Variants in SLC12A6 observed in about 807,000 individuals in gnomAD.
SLC12A6 encodes the protein K-Cl cotransporter 3.
In SLC12A6, 66 loss-of-function variants were observed where a neutral mutation model predicts 135.3. The observed-to-expected ratio is 0.49, with a 90% CI of 0.40 to 0.60. The LOEUF is 0.60. SLC12A6 is among the 20% of genes least tolerant of loss of function. The pLI, the probability that SLC12A6 is intolerant of heterozygous loss-of-function variation, is 0.00. For synonymous variants in SLC12A6, 513 were observed against 508.8 expected (o/e 1.01, Z -0.11); for missense variants, 1,058 against 1,452.3 (o/e 0.73, Z 4.41).
At chr15:34,335,185 TC>T (rs997268675) in intron 2 of SLC12A6, among the ~76,000 whole-genome samples, 1 of 152,204 alleles carries the variant, frequency 6.6e-6, no homozygotes, top group African/African-American at 2.4e-5. Context: ...GTAAAATTTG[TC>T]AAAAAGTTGA....
intron 13 of SLC12A6, among the ~76,000 whole-genome samples, chr15:34,249,335 G>A (rs1892224061): frequency 6.6e-6 from 1 of 151,944 alleles, no homozygotes; most frequent in South Asian, 2.1e-4. Flanking sequence ...TAAGGTGGGA[G>A]GATTGCTTGA....
Position 34,235,324 on chromosome 15 carries a change from GAAGA to G in SLC12A6, c.3228-14_3228-11del. 6.2e-7 allele frequency: 1 copy of G among 1,611,842 alleles called. No individual in the cohort carries two copies. The highest frequency in any genetic ancestry group is 8.5e-7 in the Non-Finnish European group (1 of 1,178,072). On this transcript the variant is annotated splice_polypyrimidine_tract_variant and intron_variant, in intron 24 of 25. Coordinates refer to ENST00000354181, the MANE Select transcript of SLC12A6 (RefSeq NM_001365088.1). ...CACATTGGACTGGTCCCTGAGTGGG[GAAGA>G]AATAAAGGTTGTTAAGGTAAAAAGA...
intron 2 of SLC12A6, among the ~76,000 whole-genome samples, chr15:34,334,080 A>C (rs1241699991): frequency 6.6e-6 from 1 of 151,926 alleles, no homozygotes; most frequent in African/African-American, 2.4e-5. Context: ...CAAAAAAAAA[A>C]AAAACAAAAA....
chr15:34,324,213 T>A (rs1301878324), intron 2 of SLC12A6, among the ~76,000 whole-genome samples: 1 of 152,014 alleles, frequency 6.6e-6, no homozygotes, highest in African/African-American at 2.4e-5. Flanking sequence ...ATAATCAACC[T>A]GCAGTACATG....
At chr15:34,330,379 A>G (rs1232973943) in intron 2 of SLC12A6, among the ~76,000 whole-genome samples, 1 of 152,208 alleles carries the variant, frequency 6.6e-6, no homozygotes, top group Non-Finnish European at 1.5e-5. Context: ...AAAACAGTTA[A>G]GGTATATAAC....
intron 2 of SLC12A6, among the ~76,000 whole-genome samples, chr15:34,303,853 A>AC (rs1379703671): frequency 2.0e-5 from 3 of 152,192 alleles, no homozygotes; most frequent in Non-Finnish European, 4.4e-5. Context: ...CTCCAGAACC[A>AC]CGAGTCAATA....
At chr15:34,265,088 T>C (rs1340111393) in intron 3 of SLC12A6, among the ~76,000 whole-genome samples, 1 of 152,002 alleles carries the variant, frequency 6.6e-6, no homozygotes, top group East Asian at 1.9e-4. Context: ...TCCCAGCTAC[T>C]TGGGAGGCTG....
Position 34,314,395 on chromosome 15 carries a change from A to G in SLC12A6, c.271+22015T>C, listed in dbSNP as rs112075189. Among the ~76,000 whole-genome samples the G allele has an allele frequency of 5.0e-3, 764 of 152,298 alleles. 8 individuals carry two copies. The highest frequency in any genetic ancestry group is 0.01 in the Admixed American group (157 of 15,298). Reference sequence around the variant, plus strand: ...ACTGCTGAAACCTACTGCCCAGGAAAAAAAGATTTCTTTCAAAATATTACT... The same window carrying G: ...ACTGCTGAAACCTACTGCCCAGGAAGAAAAGATTTCTTTCAAAATATTACT... On this transcript the variant is annotated intron_variant, in intron 2 of 25. Coordinates refer to ENST00000354181, the MANE Select transcript of SLC12A6 (RefSeq NM_001365088.1).
intron 2 of SLC12A6, among the ~76,000 whole-genome samples, chr15:34,278,202 G>A (rs1276610802): frequency 1.3e-5 from 2 of 152,092 alleles, no homozygotes; most frequent in African/African-American, 2.4e-5. Flanking sequence ...CGAGGCGGGT[G>A]GATCACCTGA....
At chr15:34,260,408 G>A (rs557403629) in intron 4 of SLC12A6, among the ~76,000 whole-genome samples, 20 of 152,200 alleles carry the variant, frequency 1.3e-4, no homozygotes, top group East Asian at 7.7e-4. Context: ...ACAGGCGCCC[G>A]CCACCATGCC....
At chr15:34,252,505 G>A (rs1892464539) in intron 9 of SLC12A6, 121 bp from the exon 10 acceptor site, 7 of 670,974 alleles carry the variant, frequency 1.0e-5, no homozygotes, top group South Asian at 8.4e-5. Flanking sequence ...TGTTATGGGT[G>A]GGAAAGGAAC....
chr15:34,246,664 T>A (rs1486938615), intron 13 of SLC12A6, among the ~76,000 whole-genome samples: 5 of 152,146 alleles, frequency 3.3e-5, no homozygotes, highest in Non-Finnish European at 7.4e-5. Flanking sequence ...TGTTTTTTTT[T>A]TGAGACAGGT....
chr15:34,257,728 C>A lies in SLC12A6; in HGVS notation c.604G>T (p.Val202Leu). The A allele has an allele frequency of 1.2e-6, 2 of 1,611,358 alleles. No homozygotes were observed. The highest frequency in any genetic ancestry group is 1.7e-6 in the Non-Finnish European group (2 of 1,177,534). The change falls in exon 6 of 26, where the codon GTG becomes TTG. Residue 202 changes from valine to leucine, a missense_variant. Coordinates refer to ENST00000354181, the MANE Select transcript of SLC12A6 (RefSeq NM_001365088.1). ...CATGTAAGGCGTAAAAAAAGGATCACTCCAAAAATATTTTGTAGACATGGG... is the reference window on the plus strand; with the variant it reads ...CATGTAAGGCGTAAAAAAAGGATCAATCCAAAAATATTTTGTAGACATGGG... Reference protein sequence around the residue: ...YLPCLQNIFGVILFLRLTWVV... With the variant: ...YLPCLQNIFGLILFLRLTWVV...
intron 10 of SLC12A6, 145 bp downstream of exon 10, chr15:34,252,025 G>C: frequency 3.1e-6 from 2 of 637,404 alleles, no homozygotes; most frequent in Non-Finnish European, 2.8e-6. Context: ...CAGAAATATG[G>C]TGAATTAAGA....
intron 2 of SLC12A6, among the ~76,000 whole-genome samples, chr15:34,327,851 C>G (rs1889576245): frequency 6.6e-6 from 1 of 151,940 alleles, no homozygotes; most frequent in East Asian, 1.9e-4. Context: ...TAGCTTTACC[C>G]CAAAGTAAAT....
At chr15:34,292,773 C>G (rs1895628187) in intron 2 of SLC12A6, among the ~76,000 whole-genome samples, 2 of 152,186 alleles carry the variant, frequency 1.3e-5, no homozygotes, top group African/African-American at 4.8e-5. Context: ...TCTCAGACTG[C>G]TGTGCTAGCA....
At chr15:34,245,988 A>C (rs1000671494) in intron 13 of SLC12A6, 121 bp from the exon 14 acceptor site, 13 of 784,338 alleles carry the variant, frequency 1.7e-5, no homozygotes, top group Non-Finnish European at 2.9e-5. Flanking sequence ...GCTAGAGTGC[A>C]GTGGTGTGAT....
At chr15:34,287,114 G>C (rs1895139500) in intron 2 of SLC12A6, among the ~76,000 whole-genome samples, 1 of 152,042 alleles carries the variant, frequency 6.6e-6, no homozygotes, top group Non-Finnish European at 1.5e-5. Context: ...TCTACATTAG[G>C]TATTTCTCCT....
Position 34,252,366 on chromosome 15 carries a change from G to A in SLC12A6, c.1137C>T (p.Asn379=). 1 of 1,609,504 alleles carries A rather than the reference G, an allele frequency of 6.2e-7. No individual in the cohort carries two copies. Among genetic ancestry groups the A allele is most frequent in the East Asian group, 2.2e-5 (1 of 44,834 alleles). The change falls in exon 10 of 26, where the codon AAC becomes AAT. Residue 379 remains asparagine (N), a synonymous_variant. Transcript: ENST00000354181. ...CAATGTGTCTTGATGAAAGGGTGCG[G>A]TTACCCAGCATGCAGACCCTAAGTG... The part of the protein sequence containing the change: ...PPHFPVCMLG[N]RTLSSRHIDV...
Sources: gnomAD v4.1 joint callset for allele counts (sites outside exome capture counted in the v4.1 genomes callset) on GRCh38, gnomAD v4.1.1 for gene constraint, MANE v1.5 for transcripts, NCBI Gene and HGNC (gene_info 2026-07-23, HGNC 2026-07-21) for gene names.